The following CCDC171 variants were observed in gnomAD, a reference collection of about 807,000 sequenced individuals.
CCDC171 encodes coiled-coil domain containing 171, also known as coiled-coil domain-containing protein 171.
Under a neutral mutation model 168.2 loss-of-function variants are expected in CCDC171, and 177 were observed. That is an observed-to-expected ratio of 1.05 (90% confidence interval 0.93 to 1.19). CCDC171 has a LOEUF of 1.19. CCDC171 is among the 50% of genes most tolerant of loss of function. The probability of loss-of-function intolerance (pLI) is 0.00; values close to 1 mark genes in which losing one functional copy is unlikely to be tolerated. For missense variants in CCDC171, 1,991 were observed against 1,539.0 expected (o/e 1.29, Z -4.91); for synonymous variants, 687 against 540.8 (o/e 1.27, Z -3.75).
At chr9:16,038,872 A>C (rs1172226595), upstream of CCDC171, among the ~76,000 whole-genome samples, 1 of 143,262 alleles carries the variant, frequency 7.0e-6, no homozygotes, top group African/African-American at 2.5e-5. Flanking sequence ...AGGCCAAAAA[A>C]AAAAAAAAAA....
intron 21 of CCDC171, among the ~76,000 whole-genome samples, chr9:15,785,517 C>G (rs2135501658): frequency 6.6e-6 from 1 of 151,860 alleles, no homozygotes; most frequent in East Asian, 1.9e-4. Flanking sequence ...TCCTGTTTAC[C>G]AGGCACTATG....
chr9:15,643,427 C>T (rs1025858211), intron 7 of CCDC171, among the ~76,000 whole-genome samples: 1 of 152,092 alleles, frequency 6.6e-6, no homozygotes, highest in African/African-American at 2.4e-5. Context: ...TACCTACAAC[C>T]TCTGGGGGAC....
chr9:15,762,894 A>C (rs923666780), intron 18 of CCDC171, among the ~76,000 whole-genome samples: 1 of 152,140 alleles, frequency 6.6e-6, no homozygotes, highest in African/African-American at 2.4e-5. Flanking sequence ...GGAGTCATAC[A>C]GTGCAAAGGA....
At chr9:15,896,447 A>T (rs556787455) in intron 24 of CCDC171, among the ~76,000 whole-genome samples, 2 of 152,190 alleles carry the variant, frequency 1.3e-5, no homozygotes, top group Admixed American at 1.3e-4. Flanking sequence ...ACTTTGAGTG[A>T]TGGGATAAGT....
At chr9:16,082,247 G>C in the CCDC171 span, among the ~76,000 whole-genome samples, 1 of 152,148 alleles carries the variant, frequency 6.6e-6, no homozygotes, top group African/African-American at 2.4e-5. Context: ...TCACATCTCT[G>C]TTGACTTGGA....
intron 1 of CCDC171, among the ~76,000 whole-genome samples, chr9:15,558,782 A>C (rs1260811305): frequency 6.6e-6 from 1 of 151,950 alleles, no homozygotes; most frequent in Non-Finnish European, 1.5e-5. Context: ...TAGCTTTTGA[A>C]TGTGTTTGCT....
At position 15,815,353 on chromosome 9, in the gene CCDC171, T is replaced by C. The variant is rs1332292683; in HGVS notation, c.3267+30659T>C. Among the ~76,000 whole-genome samples, 5 of 120,734 alleles carry C rather than the reference T, an allele frequency of 4.1e-5. 2 individuals carry two copies. The highest frequency in any genetic ancestry group is 1.6e-4 in the Admixed American group (2 of 12,860). The allele number at this position is 120,734 out of a possible 152,430, so 79.2% of individuals were successfully genotyped here. On this transcript the variant is annotated intron_variant, in intron 21 of 25. Coordinates refer to ENST00000380701, the MANE Select transcript of CCDC171 (RefSeq NM_173550.4). Reference sequence around the variant, plus strand: ...TCAAAAGTTAATTACATTTAGACCATGCATGGGGAAGAAGAATTACTTCTT... The same window carrying C: ...TCAAAAGTTAATTACATTTAGACCACGCATGGGGAAGAAGAATTACTTCTT...
chr9:15,762,056 T>G (rs2135103520), intron 18 of CCDC171, among the ~76,000 whole-genome samples: 1 of 151,992 alleles, frequency 6.6e-6, no homozygotes, highest in South Asian at 2.1e-4. Flanking sequence ...AGATCTAAAA[T>G]AATATACAAA....
At chr9:15,679,154 A>T (rs980932954) in intron 10 of CCDC171, among the ~76,000 whole-genome samples, 2 of 152,172 alleles carry the variant, frequency 1.3e-5, no homozygotes, top group Non-Finnish European at 2.9e-5. Flanking sequence ...AATGTATTCA[A>T]ATGTTTTTTT....
chr9:15,988,995 T>C (rs1433095171), intron 3 of CCDC171, among the ~76,000 whole-genome samples: 1 of 152,154 alleles, frequency 6.6e-6, no homozygotes, highest in Non-Finnish European at 1.5e-5. Context: ...AGACTCCACC[T>C]CTGGGGGCAG....
At chr9:15,601,200 C>G (rs1227415496) in intron 6 of CCDC171, among the ~76,000 whole-genome samples, 1 of 152,182 alleles carries the variant, frequency 6.6e-6, no homozygotes, top group East Asian at 1.9e-4. Context: ...GTTGGAAATG[C>G]AGAAATCATT....
intron 2 of CCDC171, among the ~76,000 whole-genome samples, chr9:15,569,704 G>A (rs1056520885): frequency 1.3e-5 from 2 of 151,398 alleles, no homozygotes; most frequent in African/African-American, 4.8e-5. Flanking sequence ...AGTCCCAGCT[G>A]CTCGGGAGGC....
At chr9:15,881,558 A>G (rs1211335052) in intron 24 of CCDC171, among the ~76,000 whole-genome samples, 1 of 152,168 alleles carries the variant, frequency 6.6e-6, no homozygotes, top group Non-Finnish European at 1.5e-5. Flanking sequence ...CTGATCTAAC[A>G]CTAGGTCTTA....
intron 10 of CCDC171, among the ~76,000 whole-genome samples, chr9:15,694,472 C>T (rs1158831666): frequency 3.9e-5 from 6 of 152,130 alleles, no homozygotes; most frequent in Admixed American, 3.9e-4. Context: ...ATGATTGATA[C>T]CTCCTGCCAA....
At chr9:15,767,064 A>G (rs780293922) in intron 18 of CCDC171, among the ~76,000 whole-genome samples, 1 of 152,236 alleles carries the variant, frequency 6.6e-6, no homozygotes, top group Non-Finnish European at 1.5e-5. Context: ...TTAAAAATAC[A>G]TGACGAAAGT....
chr9:15,719,327 T>A (rs2053301365), intron 11 of CCDC171, among the ~76,000 whole-genome samples: 2 of 139,304 alleles, frequency 1.4e-5, no homozygotes, highest in African/African-American at 5.3e-5. Flanking sequence ...GAAGCACTCC[T>A]ACAGGATTTA....
chr9:15,671,057 A>G (rs2049071454), intron 9 of CCDC171, among the ~76,000 whole-genome samples: 2 of 152,182 alleles, frequency 1.3e-5, no homozygotes, highest in Non-Finnish European at 2.9e-5. Flanking sequence ...ATGCCACTGT[A>G]CTTCAGTGTG....
rs990719402 is a variant in CCDC171 at position 15,910,231 on chromosome 9, C to T, written c.3601-10039C>T. Among the ~76,000 whole-genome samples, 11 of 151,998 alleles carry T rather than the reference C, an allele frequency of 7.2e-5. No individual in the cohort carries two copies. In the East Asian group the frequency reaches 9.6e-4, roughly 13 times the overall value. ...TTTTCTTTATCCAATCATCTGTTGA[C>T]GGACAGTTAGGTTGACTTCATATCT... On this transcript the variant is annotated intron_variant, in intron 24 of 25. Transcript: ENST00000380701.
At chr9:15,792,198 T>C (rs1405665571) in intron 21 of CCDC171, among the ~76,000 whole-genome samples, 1 of 152,206 alleles carries the variant, frequency 6.6e-6, no homozygotes, top group Non-Finnish European at 1.5e-5. Flanking sequence ...GTAGCTGATT[T>C]GATCAACTGG....
Sources: allele counts gnomAD v4.1 joint callset (sites outside exome capture counted in the v4.1 genomes callset), GRCh38; gene constraint gnomAD v4.1.1; transcripts MANE v1.5; gene names NCBI Gene and HGNC (gene_info 2026-07-23, HGNC 2026-07-21).